Variants in SLC25A26 observed in about 807,000 individuals in gnomAD.
SLC25A26 encodes the protein solute carrier family 25 member 26.
SLC25A26 carries 36 observed loss-of-function variants against 37.8 expected under a neutral mutation model. The observed-to-expected ratio is 0.95, with a 90% CI of 0.73 to 1.26. The LOEUF is 1.26. Ranked by LOEUF, SLC25A26 falls within the 50% of genes most tolerant of loss-of-function variation. SLC25A26 has a pLI of 0.00. For synonymous variants in SLC25A26, 129 were observed against 122.5 expected (o/e 1.05, Z -0.35); for missense variants, 390 against 331.1 (o/e 1.18, Z -1.38).
chr3:66,195,084 A>C (rs1236372550), intron 1 of SLC25A26, among the ~76,000 whole-genome samples: 2 of 152,190 alleles, frequency 1.3e-5, no homozygotes, highest in South Asian at 2.1e-4. Flanking sequence ...ATGCACCCGG[A>C]ATCCTGCAAT....
At chr3:66,316,813 TC>T (rs2075553137) in intron 5 of SLC25A26, among the ~76,000 whole-genome samples, 1 of 152,186 alleles carries the variant, frequency 6.6e-6, no homozygotes, top group Admixed American at 6.5e-5. Flanking sequence ...TTTTGTTCAT[TC>T]CTTTTTTTCT....
At chr3:66,172,043 T>C (rs1025189037) in intron 1 of SLC25A26, among the ~76,000 whole-genome samples, 1 of 152,166 alleles carries the variant, frequency 6.6e-6, no homozygotes, top group East Asian at 1.9e-4. Flanking sequence ...CCTCCTCTGA[T>C]GCTTGTAGGT....
At chr3:66,296,905 A>AGG (rs1325577315) in intron 5 of SLC25A26, among the ~76,000 whole-genome samples, 4 of 152,266 alleles carry the variant, frequency 2.6e-5, no homozygotes. Flanking sequence ...CTCCCTGAAC[A>AGG]GAAGGCTTGA....
rs565025966 is a variant in SLC25A26 at position 66,183,147 on chromosome 3, C to T, written c.-353-37595C>T. On this transcript the variant is annotated intron_variant, in intron 1 of 10. Transcript: ENST00000676754. The stretch of plus-strand genomic sequence containing the variant: ...ACTCTGACCCACACCCTGACCTTGA[C>T]CTGACCCTCAGCCTGAAGCTGACCC... 5.9e-5 allele frequency among the ~76,000 whole-genome samples: 9 copies of T among 152,016 alleles called. No individual in the cohort carries two copies. In the East Asian group the frequency reaches 1.4e-3, roughly 23 times the overall value.
chr3:66,327,570 C>T (rs1261736099), intron 5 of SLC25A26, among the ~76,000 whole-genome samples: 1 of 151,956 alleles, frequency 6.6e-6, no homozygotes, highest in African/African-American at 2.4e-5. Context: ...GTATTCATTG[C>T]AATGTAAATA....
At chr3:66,274,274 T>G (rs2074055108) in intron 5 of SLC25A26, among the ~76,000 whole-genome samples, 1 of 152,064 alleles carries the variant, frequency 6.6e-6, no homozygotes, top group Admixed American at 6.6e-5. Context: ...GACTTAAACG[T>G]TAGACCTAAA....
At chr3:66,289,884 A>G (rs947216224) in intron 5 of SLC25A26, among the ~76,000 whole-genome samples, 4 of 152,202 alleles carry the variant, frequency 2.6e-5, no homozygotes, top group African/African-American at 4.8e-5. Flanking sequence ...TGGGAATAAC[A>G]TTGAATCTAT....
Position 66,172,253 on chromosome 3 carries a change from A to G in SLC25A26, c.-354+38269A>G, listed in dbSNP as rs2070509837. Among the ~76,000 whole-genome samples, 4 of 152,126 alleles carry G rather than the reference A, an allele frequency of 2.6e-5. No homozygotes were observed. The South Asian group carries it at 8.3e-4, about 32-fold the overall frequency. On this transcript the variant is annotated intron_variant, in intron 1 of 10. Coordinates refer to the SLC25A26 transcript ENST00000676754. ...CGGCAAAACCCTGTCTCTACAAAAA[A>G]TACAAAAATTAGCCAGGTATGGTGT...
chr3:66,171,118 T>C (rs1442977436), intron 1 of SLC25A26, among the ~76,000 whole-genome samples: 1 of 152,172 alleles, frequency 6.6e-6, no homozygotes, highest in Admixed American at 6.5e-5. Flanking sequence ...TATTGTTTCA[T>C]TGAAAACATT....
chr3:66,163,806 A>C (rs1301223685), intron 1 of SLC25A26, among the ~76,000 whole-genome samples: 1 of 152,234 alleles, frequency 6.6e-6, no homozygotes, highest in Non-Finnish European at 1.5e-5. Context: ...TTTATGGTAG[A>C]AATTAATATC....
chr3:66,282,942 A>G (rs1176226996), intron 5 of SLC25A26, among the ~76,000 whole-genome samples: 2 of 152,220 alleles, frequency 1.3e-5, no homozygotes, highest in Non-Finnish European at 2.9e-5. Context: ...GCATTACAGA[A>G]TATACAGCCT....
chr3:66,376,975 T>A (rs1026872715), intron 9 of SLC25A26, among the ~76,000 whole-genome samples: 1 of 152,196 alleles, frequency 6.6e-6, no homozygotes, highest in Admixed American at 6.5e-5. Context: ...ATCCACTGTA[T>A]GTTTATACTG....
rs376271043 is a variant in SLC25A26, at chr3:66,331,922, G to GT, written c.454-14433dup. On this transcript the variant is annotated intron_variant, in intron 5 of 9. Coordinates refer to ENST00000354883, the MANE Select transcript of SLC25A26 (RefSeq NM_001379210.1). ...CCCACACCCAGCCAAAAAGTTTTTT[G>GT]TTTTTTTTTGTTTGTTTGTTTGTTT... Among the ~76,000 whole-genome samples, 518 of 150,634 alleles carry GT rather than the reference G, an allele frequency of 3.4e-3. 3 individuals carry two copies. Among genetic ancestry groups the GT allele is most frequent in the Admixed American group, 0.012 (187 of 15,090 alleles).
rs564060807 is a variant in SLC25A26, at chr3:66,376,517, G to A, written c.708-1173G>A. Among the ~76,000 whole-genome samples the A allele has an allele frequency of 2.6e-5, 4 of 152,296 alleles. No individual in the cohort carries two copies. In the South Asian group the frequency reaches 8.3e-4, roughly 32 times the overall value. On this transcript the variant is annotated intron_variant, in intron 9 of 9. Coordinates refer to ENST00000354883, the MANE Select transcript of SLC25A26 (RefSeq NM_001379210.1). ...GCCAGAAGATTACAATTTACTGCAGGCTCAGATGCTCATGAGCATTTTTTA... is the reference window on the plus strand; with the variant it reads ...GCCAGAAGATTACAATTTACTGCAGACTCAGATGCTCATGAGCATTTTTTA...
intron 1 of SLC25A26, among the ~76,000 whole-genome samples, chr3:66,174,789 G>A (rs1282227866): frequency 7.1e-6 from 1 of 141,478 alleles, no homozygotes; most frequent in African/African-American, 2.7e-5. Context: ...CCGAGACTCC[G>A]TCTCAAAAAG....
chr3:66,324,692 G>A (rs1196057879), intron 5 of SLC25A26, among the ~76,000 whole-genome samples: 7 of 152,132 alleles, frequency 4.6e-5, no homozygotes, highest in African/African-American at 1.7e-4. Context: ...AACAAGGGCA[G>A]CTTGGGAGGC....
intron 5 of SLC25A26, among the ~76,000 whole-genome samples, chr3:66,264,261 C>CA (rs1429834081): frequency 6.7e-6 from 1 of 149,118 alleles, no homozygotes; most frequent in Non-Finnish European, 1.5e-5. Context: ...AACAGGGCAA[C>CA]AAGAGCGACT....
intron 1 of SLC25A26, among the ~76,000 whole-genome samples, chr3:66,192,335 A>AAG (rs1491010688): frequency 3.5e-5 from 5 of 141,086 alleles, no homozygotes; most frequent in Non-Finnish European, 7.7e-5. Context: ...AAAAAAAAAA[A>AAG]GAGAGAGAAA....
chr3:66,135,657 C>T (rs773850082), intron 1 of SLC25A26, among the ~76,000 whole-genome samples: 3 of 152,064 alleles, frequency 2.0e-5, no homozygotes, highest in Non-Finnish European at 2.9e-5. Context: ...ATCTCAGCTA[C>T]TTGGGAGGCT....
Sources: allele counts gnomAD v4.1 joint callset (sites outside exome capture counted in the v4.1 genomes callset), GRCh38; gene constraint gnomAD v4.1.1; transcripts MANE v1.5; gene names NCBI Gene and HGNC (gene_info 2026-07-23, HGNC 2026-07-21).